LRRC37A2: variants seen among roughly 807,000 people sequenced by gnomAD.
LRRC37A2 encodes the protein leucine rich repeat containing 37 member A2.
In LRRC37A2, 9 loss-of-function variants were observed where a neutral mutation model predicts 68.8. The ratio of observed to expected loss-of-function variants is 0.13; its 90% confidence interval spans 0.08 to 0.23. The LOEUF (loss-of-function observed/expected upper bound fraction) is 0.23. Among genes scored for constraint, LRRC37A2 ranks in the 10% least tolerant of loss-of-function variants. The pLI is 1.00. For missense variants in LRRC37A2, 168 were observed against 950.4 expected, an observed-to-expected ratio of 0.18 and a Z score of 10.82; for synonymous variants, 63 against 367.6, an observed-to-expected ratio of 0.17 and a Z score of 9.48.
At chr17:46,866,668 G>A in the LRRC37A2 span, among the ~76,000 whole-genome samples, 1 of 152,088 alleles carries the variant, frequency 6.6e-6, no homozygotes, top group Non-Finnish European at 1.5e-5. Flanking sequence ...CGGTTCCCAG[G>A]CAGCTGCCTG....
the LRRC37A2 span, among the ~76,000 whole-genome samples, chr17:46,991,428 A>T: frequency 6.6e-6 from 1 of 152,052 alleles, no homozygotes; most frequent in African/African-American, 2.4e-5. Flanking sequence ...AGAGTTCGAG[A>T]CCAGCCTGGC....
chr17:46,788,378 G>C, the LRRC37A2 span, among the ~76,000 whole-genome samples: 1 of 152,140 alleles, frequency 6.6e-6, no homozygotes, highest in Non-Finnish European at 1.5e-5. Flanking sequence ...CTGCCGTTCT[G>C]AGCAGCCAAG....
the LRRC37A2 span, among the ~76,000 whole-genome samples, chr17:46,491,963 CTT>C: frequency 6.8e-6 from 1 of 148,096 alleles, no homozygotes; most frequent in Non-Finnish European, 1.5e-5. Context: ...TACTGTTTGA[CTT>C]TATTTATTTA....
the LRRC37A2 span, among the ~76,000 whole-genome samples, chr17:46,474,083 T>C: frequency 8.5e-5 from 9 of 105,868 alleles, 4 homozygotes; most frequent in Non-Finnish European, 1.3e-4. Flanking sequence ...GGAGTCTCAC[T>C]CTGTCGCCCA....
chr17:47,000,127 A>AAT, the LRRC37A2 span, among the ~76,000 whole-genome samples: 1 of 131,100 alleles, frequency 7.6e-6, no homozygotes, highest in African/African-American at 2.6e-5. Flanking sequence ...AAAATAAAAT[A>AAT]AAATAAAATA....
the LRRC37A2 span, chr17:46,940,471 G>A: frequency 0.11 from 173,088 of 1,611,346 alleles, 10,504 homozygotes; most frequent in South Asian, 0.22. Flanking sequence ...GCACTGCTGC[G>A]GTGCCAGGGA....
the LRRC37A2 span, among the ~76,000 whole-genome samples, chr17:46,882,056 C>T: frequency 7.9e-5 from 12 of 152,078 alleles, no homozygotes; most frequent in Non-Finnish European, 1.3e-4. Flanking sequence ...TTGGAGAGGC[C>T]GAGGCAGGAA....
chr17:46,910,475 C>T, the LRRC37A2 span, among the ~76,000 whole-genome samples: 1 of 152,208 alleles, frequency 6.6e-6, no homozygotes, highest in Admixed American at 6.5e-5. Context: ...ATCCTCACCC[C>T]ACATGGAAAT....
the LRRC37A2 span, chr17:47,010,591 AG>A: frequency 6.6e-6 from 1 of 152,274 alleles, no homozygotes; most frequent in Non-Finnish European, 1.5e-5. Flanking sequence ...GGGTTCCAGA[AG>A]GCTGGGGTGG....
the LRRC37A2 span, among the ~76,000 whole-genome samples, chr17:46,787,252 G>A: frequency 6.9e-6 from 1 of 144,472 alleles, no homozygotes; most frequent in Non-Finnish European, 1.5e-5. Context: ...ATAAAGACCT[G>A]TTGAAGAAAA....
At chr17:46,829,693 C>T in the LRRC37A2 span, among the ~76,000 whole-genome samples, 1 of 150,458 alleles carries the variant, frequency 6.6e-6, no homozygotes, top group Non-Finnish European at 1.5e-5. Context: ...GGGACTCACT[C>T]TTTCACCTGA....
the LRRC37A2 span, among the ~76,000 whole-genome samples, chr17:46,676,158 G>A: frequency 1.4e-5 from 2 of 142,966 alleles, no homozygotes; most frequent in African/African-American, 5.5e-5. Context: ...GCCACCACAG[G>A]GAAATTAACA....
the LRRC37A2 span, among the ~76,000 whole-genome samples, chr17:46,951,491 AG>A: frequency 3.9e-5 from 6 of 152,178 alleles, no homozygotes; most frequent in African/African-American, 9.7e-5. Context: ...GCTGCCAGAG[AG>A]AGCCTCCTGG....
the LRRC37A2 span, among the ~76,000 whole-genome samples, chr17:46,842,645 T>C: frequency 6.6e-6 from 1 of 152,206 alleles, no homozygotes; most frequent in Non-Finnish European, 1.5e-5. Context: ...AGTGCTGGGA[T>C]TACAGGCATG....
At chr17:46,874,027 G>T in the LRRC37A2 span, among the ~76,000 whole-genome samples, 2 of 151,824 alleles carry the variant, frequency 1.3e-5, no homozygotes, top group African/African-American at 4.8e-5. Flanking sequence ...GCTGTACAGG[G>T]CAGCCAGGCC....
chr17:46,684,470 C>G, the LRRC37A2 span, among the ~76,000 whole-genome samples: 2 of 152,032 alleles, frequency 1.3e-5, no homozygotes, highest in African/African-American at 4.8e-5. Flanking sequence ...AATGGGATTG[C>G]TGGGTCAAAT....
chr17:46,724,165 G>T, the LRRC37A2 span, among the ~76,000 whole-genome samples: 1 of 152,112 alleles, frequency 6.6e-6, no homozygotes, highest in Non-Finnish European at 1.5e-5. Flanking sequence ...CTGGTTAACT[G>T]TTGTTCATGC....
chr17:46,720,877 A>T, the LRRC37A2 span, among the ~76,000 whole-genome samples: 1 of 152,196 alleles, frequency 6.6e-6, no homozygotes, highest in Non-Finnish European at 1.5e-5. Flanking sequence ...TCCTGAGAGC[A>T]TGCTTGTTGT....
chr17:46,499,703 A>AG, the LRRC37A2 span, among the ~76,000 whole-genome samples: 1 of 106,092 alleles, frequency 9.4e-6, no homozygotes, highest in African/African-American at 5.2e-5. Flanking sequence ...GGCACAGCAA[A>AG]GGGTAGTAGA....
Sources: allele counts gnomAD v4.1 joint callset (sites outside exome capture counted in the v4.1 genomes callset), GRCh38; gene constraint gnomAD v4.1.1; transcripts MANE v1.5; gene names NCBI Gene and HGNC (gene_info 2026-07-23, HGNC 2026-07-21).